The following CD1B variants were observed in gnomAD, a reference collection of about 807,000 sequenced individuals.
The protein encoded by CD1B is T-cell surface glycoprotein CD1b.
In CD1B, 43 loss-of-function variants were observed where a neutral mutation model predicts 39.8. That is an observed-to-expected ratio of 1.08 (90% CI 0.85 to 1.39). The LOEUF (loss-of-function observed/expected upper bound fraction) is 1.39. Ranked by LOEUF, CD1B falls within the 40% of genes most tolerant of loss-of-function variation. The pLI is 0.00. For missense variants in CD1B, 495 were observed against 403.8 expected, an observed-to-expected ratio of 1.23 and a Z score of -1.94; for synonymous variants, 192 against 152.5, an observed-to-expected ratio of 1.26 and a Z score of -1.91.
the CD1B span, among the ~76,000 whole-genome samples, chr1:158,285,440 G>T: frequency 6.6e-6 from 1 of 152,120 alleles, no homozygotes. Flanking sequence ...TAGCCAGGGT[G>T]GTGCTTAGAA....
At chr1:158,303,310 C>T in the CD1B span, among the ~76,000 whole-genome samples, 95 of 152,202 alleles carry the variant, frequency 6.2e-4, no homozygotes, top group Non-Finnish European at 1.0e-3. Flanking sequence ...TATGACAAAC[C>T]CACAGCCAAC....
intron 5 of CD1B, 112 bp downstream of exon 5, chr1:158,328,809 G>T (rs575470458): frequency 2.7e-6 from 2 of 749,532 alleles, no homozygotes; most frequent in East Asian, 2.7e-5. Context: ...GAAAGGATAT[G>T]GTGAAAGGAT....
At chr1:158,308,741 T>C in the CD1B span, among the ~76,000 whole-genome samples, 28 of 152,350 alleles carry the variant, frequency 1.8e-4, no homozygotes, top group African/African-American at 5.3e-4. Context: ...AAGGATTCCC[T>C]ATTTAATAAA....
the CD1B span, among the ~76,000 whole-genome samples, chr1:158,316,453 CTGTT>C: frequency 6.6e-6 from 1 of 151,722 alleles, no homozygotes; most frequent in South Asian, 2.1e-4. Context: ...ATTTGGCTCT[CTGTT>C]TGTCTGTTGT....
chr1:158,320,391 G>T, the CD1B span, among the ~76,000 whole-genome samples: 11 of 152,106 alleles, frequency 7.2e-5, no homozygotes, highest in Non-Finnish European at 1.2e-4. Context: ...TTGGAAAAGC[G>T]CAGTATTCGG....
chr1:158,319,802 T>G, the CD1B span, among the ~76,000 whole-genome samples: 2 of 152,252 alleles, frequency 1.3e-5, no homozygotes, highest in African/African-American at 4.8e-5. Flanking sequence ...TTTTATCTAT[T>G]TTGGTCTTTG....
chr1:158,299,633 G>A, the CD1B span, among the ~76,000 whole-genome samples: 1 of 152,068 alleles, frequency 6.6e-6, no homozygotes, highest in African/African-American at 2.4e-5. Context: ...TTTTTGGTTG[G>A]CAGGCTATTA....
At chr1:158,290,041 G>A in the CD1B span, 1 of 1,612,224 alleles carries the variant, frequency 6.2e-7, no homozygotes, top group Non-Finnish European at 8.5e-7. Context: ...GCTTTTCTGA[G>A]AGAAAGAAAC....
chr1:158,293,252 A>T, the CD1B span: 1 of 1,614,128 alleles, frequency 6.2e-7, no homozygotes. Flanking sequence ...TGGTAGTGAT[A>T]GTGCCCTTGG....
the CD1B span, among the ~76,000 whole-genome samples, chr1:158,306,384 C>T: frequency 1.3e-5 from 2 of 152,288 alleles, no homozygotes; most frequent in East Asian, 3.9e-4. Context: ...AGCTAACTAT[C>T]CTAAATATTT....
the CD1B span, among the ~76,000 whole-genome samples, chr1:158,316,099 C>A: frequency 6.6e-6 from 1 of 151,910 alleles, no homozygotes; most frequent in African/African-American, 2.4e-5. Context: ...TGTGATGCCT[C>A]CAGCTTTGTT....
the CD1B span, among the ~76,000 whole-genome samples, chr1:158,322,739 C>T: frequency 6.6e-6 from 1 of 152,112 alleles, no homozygotes; most frequent in Non-Finnish European, 1.5e-5. Flanking sequence ...CTTTATCTCT[C>T]CTTCATTTCT....
At chr1:158,330,772 C>CATCACATTTCATCAT (rs748692627) in intron 2 of CD1B, 24 bp downstream of exon 2, 1 of 1,612,330 alleles carries the variant, frequency 6.2e-7, no homozygotes, top group African/African-American at 1.3e-5. Context: ...TGAGACTCTT[C>CATCACATTTCATCAT]CCAGTTCGGT....
At position 158,328,982 on chromosome 1, in the gene CD1B, C is replaced by T. The variant is rs908223206; in HGVS notation, c.919G>A (p.Ala307Thr). The T allele has an allele frequency of 2.5e-6, 4 of 1,613,756 alleles. No homozygotes were observed. The highest frequency in any genetic ancestry group is 2.2e-5 in the East Asian group (1 of 44,858). The change falls in exon 5 of 6, where the codon GCA becomes ACA. Residue 307 changes from alanine (A) to threonine (T), a missense_variant. Physicochemically the swap from Ala to Thr is moderately conservative, Grantham distance 58 (BLOSUM62 0). Transcript: ENST00000368168. ...NPTSIGSIVL[A>T]IIVPSLLLLL... ...AGGAGCAAGGAAGGCACTATTATTGCCAAAACAATTGAGCCAATGGAGGTG... is the reference window on the plus strand; with the variant it reads ...AGGAGCAAGGAAGGCACTATTATTGTCAAAACAATTGAGCCAATGGAGGTG...
At chr1:158,330,408 A>G (rs1047610013) in intron 2 of CD1B, 5 of 566,856 alleles carry the variant, frequency 8.8e-6, no homozygotes, top group Non-Finnish European at 1.6e-5. Flanking sequence ...AGCATTCCAG[A>G]GTGAGTGGAG....
At chr1:158,320,351 A>T in the CD1B span, among the ~76,000 whole-genome samples, 1 of 152,184 alleles carries the variant, frequency 6.6e-6, no homozygotes, top group South Asian at 2.1e-4. Flanking sequence ...TGTGGGATAT[A>T]ATCTCATGGT....
chr1:158,302,413 G>A, the CD1B span, among the ~76,000 whole-genome samples: 37 of 151,934 alleles, frequency 2.4e-4, no homozygotes, highest in Non-Finnish European at 4.6e-4. Context: ...CCTAAAGCTA[G>A]CAGAAGACAA....
the CD1B span, among the ~76,000 whole-genome samples, chr1:158,322,458 G>A: frequency 4.2e-5 from 6 of 142,612 alleles, no homozygotes; most frequent in South Asian, 2.3e-4. Flanking sequence ...CGTAAGATGC[G>A]GTTTTGCCAT....
the CD1B span, chr1:158,293,553 C>T: frequency 1.2e-6 from 2 of 1,613,872 alleles, no homozygotes; most frequent in Non-Finnish European, 1.7e-6. Context: ...TGATGCCATC[C>T]CGTCGACTCT....
Sources: allele counts gnomAD v4.1 joint callset (sites outside exome capture counted in the v4.1 genomes callset), GRCh38; gene constraint gnomAD v4.1.1; transcripts MANE v1.5; gene names NCBI Gene and HGNC (gene_info 2026-07-23, HGNC 2026-07-21).